GPATCH1: variants seen among roughly 807,000 people sequenced by gnomAD.
GPATCH1 encodes G patch domain-containing protein 1.
Under a neutral mutation model 114.9 loss-of-function variants are expected in GPATCH1, and 73 were observed. That is an observed-to-expected ratio of 0.64 (90% CI 0.53 to 0.77). GPATCH1 has a LOEUF of 0.77. Among genes scored for constraint, GPATCH1 ranks in the 30% least tolerant of loss-of-function variants. The probability of loss-of-function intolerance (pLI) is 0.00; values close to 1 mark genes in which losing one functional copy is unlikely to be tolerated. For synonymous variants in GPATCH1, 391 were observed against 428.4 expected (o/e 0.91, Z 1.08); for missense variants, 1,058 against 1,144.3 (o/e 0.92, Z 1.09).
chr19:33,102,137 C>T (rs1972733936), intron 9 of GPATCH1, among the ~76,000 whole-genome samples: 1 of 151,728 alleles, frequency 6.6e-6, no homozygotes, highest in Admixed American at 6.6e-5. Context: ...AGTTTGAGAC[C>T]ACCCTGGTCA....
intron 7 of GPATCH1, 42 bp downstream of exon 7, chr19:33,096,488 A>C: frequency 6.6e-7 from 1 of 1,505,804 alleles, no homozygotes; most frequent in South Asian, 1.2e-5. Context: ...GTCATTGATA[A>C]ATGAGTCTAC....
At chr19:33,085,322 C>T (rs1269421040) in intron 1 of GPATCH1, among the ~76,000 whole-genome samples, 4 of 152,038 alleles carry the variant, frequency 2.6e-5, no homozygotes, top group Non-Finnish European at 5.9e-5. Flanking sequence ...AGCGATCCTC[C>T]CAGCTCAGCA....
intron 17 of GPATCH1, among the ~76,000 whole-genome samples, chr19:33,124,563 A>T (rs1430204319): frequency 1.3e-5 from 2 of 152,208 alleles, no homozygotes; most frequent in African/African-American, 2.4e-5. Context: ...AGAGGAGGAT[A>T]TAAGAAGAGC....
Position 33,096,459 on chromosome 19 carries a change from T to A in GPATCH1, c.852+13T>A. ...AATTTCAGGCCAGGTAAAATTATTT[T>A]CTATTTTATAAAGGGGGAGTCATTG... On this transcript the variant is annotated intron_variant, in intron 7 of 19. Transcript: ENST00000170564. 1 of 1,599,098 alleles carries A rather than the reference T, an allele frequency of 6.3e-7. No homozygotes were observed. The highest frequency in any genetic ancestry group is 8.5e-7 in the Non-Finnish European group (1 of 1,171,516).
intron 17 of GPATCH1, among the ~76,000 whole-genome samples, chr19:33,119,558 C>A (rs1466407143): frequency 6.6e-6 from 1 of 151,838 alleles, no homozygotes; most frequent in East Asian, 1.9e-4. Context: ...ATTACCTGGG[C>A]GTAGTGACGC....
In GPATCH1 at chr19:33,101,571, G is replaced by A; in HGVS notation, c.1077G>A (p.Lys359=). 1.3e-6 allele frequency: 2 copies of A among 1,546,064 alleles called. No individual in the cohort carries two copies. The highest frequency in any genetic ancestry group is 2.3e-5 in the South Asian group (2 of 87,040). ...TGGCTTCTAAACCTTTATCTTCTAAGAAAGTAAGAAAAACTTTTTTTCTTT... is the reference window on the plus strand; with the variant it reads ...TGGCTTCTAAACCTTTATCTTCTAAAAAAGTAAGAAAAACTTTTTTTCTTT... ...FSLASKPLSS[K]KIYPPPELPR... is the part of the protein sequence containing the mutation. Residue 359 remains lysine, a synonymous_variant, in exon 9 of 20, where the codon AAG becomes AAA. Transcript: ENST00000170564.
chr19:33,126,121 G>A (rs1973038059), intron 18 of GPATCH1, among the ~76,000 whole-genome samples: 1 of 152,210 alleles, frequency 6.6e-6, no homozygotes, highest in Non-Finnish European at 1.5e-5. Flanking sequence ...AAGAAAATGT[G>A]TGCCGACCAA....
chr19:33,130,469 T>A lies in GPATCH1; in HGVS notation c.*309T>A. Reference sequence around the variant, plus strand: ...TAAAAAAGAAGTTAAAAGTGAAGGCTTCTCTCTGGTTTTGTGATGAAGACA... The same window carrying A: ...TAAAAAAGAAGTTAAAAGTGAAGGCATCTCTCTGGTTTTGTGATGAAGACA... On this transcript the variant is annotated 3_prime_UTR_variant, in exon 20 of 20. Transcript: ENST00000170564. 4.0e-6 allele frequency: 1 copy of A among 250,852 alleles called. No homozygotes were observed. Among genetic ancestry groups the A allele is most frequent in the Non-Finnish European group, 7.5e-6 (1 of 133,610 alleles). The allele number at this position is 250,852 out of a possible 1,614,324, so 15.5% of individuals were successfully genotyped here.
intron 5 of GPATCH1, among the ~76,000 whole-genome samples, chr19:33,095,262 T>G (rs1342671740): frequency 6.8e-6 from 1 of 147,726 alleles, no homozygotes; most frequent in African/African-American, 2.5e-5. Context: ...GTGAGGTTTT[T>G]TTTTTTTTTT....
chr19:33,082,075 G>A (rs1326983919), intron 1 of GPATCH1, among the ~76,000 whole-genome samples: 2 of 118,722 alleles, frequency 1.7e-5, no homozygotes, highest in African/African-American at 6.3e-5. Context: ...GAGTGAAGCA[G>A]GGAGATTAGC....
chr19:33,120,192 A>T (rs1972964370), intron 17 of GPATCH1, among the ~76,000 whole-genome samples: 1 of 141,162 alleles, frequency 7.1e-6, no homozygotes, highest in Non-Finnish European at 1.5e-5. Context: ...ATAAATACAT[A>T]TTAAAATATA....
intron 1 of GPATCH1, among the ~76,000 whole-genome samples, chr19:33,084,858 A>G (rs1052916972): frequency 1.3e-5 from 2 of 151,656 alleles, no homozygotes; most frequent in Non-Finnish European, 2.9e-5. Flanking sequence ...GCGGGGTTTC[A>G]CAATGTTGGC....
At position 33,088,301 on chromosome 19, in the gene GPATCH1, T is replaced by G. The variant is rs372998993; in HGVS notation, c.208+33T>G. The stretch of plus-strand genomic sequence containing the variant: ...TTTCCTAATTGTAGCTATTATACCA[T>G]TAAAGCAAATGATCAAAATATTGAT... On this transcript the variant is annotated intron_variant, in intron 2 of 19. Transcript: ENST00000170564. 4 of 1,472,664 alleles carry G rather than the reference T, an allele frequency of 2.7e-6. No homozygotes were observed. The African/African-American group carries it at 5.7e-5, about 21-fold the overall frequency. 91.2% of individuals were successfully genotyped at this position (1,472,664 alleles called of 1,614,324 possible). A position where few individuals can be genotyped will look rare whatever the true frequency, so the allele number is the denominator to read the frequency against.
intron 14 of GPATCH1, 75 bp downstream of exon 14, chr19:33,113,978 G>T: frequency 7.4e-7 from 1 of 1,357,986 alleles, no homozygotes; most frequent in South Asian, 1.3e-5. Flanking sequence ...AGAATTAAAG[G>T]GTAGTTTAGT....
chr19:33,094,962 G>T (rs1395447251), intron 5 of GPATCH1, among the ~76,000 whole-genome samples: 4 of 152,062 alleles, frequency 2.6e-5, no homozygotes, highest in Non-Finnish European at 5.9e-5. Context: ...CCAGGTGTTT[G>T]AGACCAGCCT....
In GPATCH1 at chr19:33,107,922, A is replaced by G. The variant is rs557659969; in HGVS notation, c.1285+1023A>G. On this transcript the variant is annotated intron_variant, in intron 10 of 19. Transcript: ENST00000170564. ...ACGTGCAGGTTTGTTACATGTGTAT[A>G]CATGTGCCACGTTCGTGTGCTGCAC... Among the ~76,000 whole-genome samples, 11 of 151,902 alleles carry G rather than the reference A, an allele frequency of 7.2e-5. No homozygotes were observed. The East Asian group carries it at 1.9e-3, about 27-fold the overall frequency.
chr19:33,081,949 C>T lies in GPATCH1; in HGVS notation c.73+683C>T, dbSNP rs747435557. Among the ~76,000 whole-genome samples, 4 of 120,628 alleles carry T rather than the reference C, an allele frequency of 3.3e-5. 1 individual carries two copies. The highest frequency in any genetic ancestry group is 6.9e-5 in the Non-Finnish European group (4 of 57,672). The allele number at this position is 120,628 out of a possible 152,430, so 79.1% of individuals were successfully genotyped here. On this transcript the variant is annotated intron_variant, in intron 1 of 19. Coordinates refer to ENST00000170564, the MANE Select transcript of GPATCH1 (RefSeq NM_018025.3). ...TCTTGAACTCCTGACTTCAAGTGAT[C>T]CTCTCGCTTCTGCCTCCCAAAGTGC...
chr19:33,090,739 A>G (rs776131781), intron 2 of GPATCH1, 41 bp from the exon 3 acceptor site: 5 of 1,282,014 alleles, frequency 3.9e-6, no homozygotes, highest in Middle Eastern at 1.9e-4. Context: ...AGACCCAAAT[A>G]CTCTCTAGGA....
rs1265085791 is a variant in GPATCH1 at position 33,130,112 on chromosome 19, T to C, written c.2766-18T>C. 6.2e-7 allele frequency: 1 copy of C among 1,607,166 alleles called. No homozygotes were observed. Among genetic ancestry groups the C allele is most frequent in the Non-Finnish European group, 8.5e-7 (1 of 1,173,794 alleles). On this transcript the variant is annotated intron_variant, in intron 19 of 19. Coordinates refer to ENST00000170564, the MANE Select transcript of GPATCH1 (RefSeq NM_018025.3). ...TTAGCTAACTTTCCATTTCTCTCTT[T>C]TCTGTTTTCTTTTCCAGGCTGAAAA...
Sources: gnomAD v4.1 joint callset for allele counts (sites outside exome capture counted in the v4.1 genomes callset) on GRCh38, gnomAD v4.1.1 for gene constraint, MANE v1.5 for transcripts, NCBI Gene and HGNC (gene_info 2026-07-23, HGNC 2026-07-21) for gene names.